The following CFAP54 variants were observed in gnomAD, a reference collection of about 807,000 sequenced individuals.
CFAP54 encodes the protein cilia and flagella associated protein 54, also known as cilia- and flagella-associated protein 54.
CFAP54 carries 290 observed loss-of-function variants against 370.4 expected under a neutral mutation model. That is an observed-to-expected ratio of 0.78 (90% confidence interval 0.71 to 0.86). CFAP54 has a LOEUF of 0.86. Ranked by LOEUF, CFAP54 falls within the 40% of genes least tolerant of loss-of-function variation. The pLI, the probability that CFAP54 is intolerant of heterozygous loss-of-function variation, is 0.00. For synonymous variants in CFAP54, 1,206 were observed against 1,236.5 expected, an observed-to-expected ratio of 0.98 and a Z score of 0.52; for missense variants, 3,399 against 3,528.7, an observed-to-expected ratio of 0.96 and a Z score of 0.93.
intron 4 of CFAP54, among the ~76,000 whole-genome samples, chr12:96,509,088 GT>G (rs1222454300): frequency 6.6e-6 from 1 of 152,194 alleles, no homozygotes; most frequent in Non-Finnish European, 1.5e-5. Flanking sequence ...GGAGTGGACA[GT>G]AGACAAAAAC....
Position 96,713,252 on chromosome 12 carries a change from G to T in CFAP54, c.6724+4449G>T, listed in dbSNP as rs369482741. 5.6e-4 allele frequency among the ~76,000 whole-genome samples: 85 copies of T among 152,250 alleles called. 4 individuals carry two copies. In the South Asian group the frequency reaches 0.017, roughly 30 times the overall value. On this transcript the variant is annotated intron_variant, in intron 48 of 67. Transcript: ENST00000524981. ...GCACTGCCATGTTTATTGCAGCACT[G>T]CTAACAATAGCCAAGATATGGAATC...
At chr12:96,712,459 G>A (rs1592720801) in intron 48 of CFAP54, among the ~76,000 whole-genome samples, 2 of 152,116 alleles carry the variant, frequency 1.3e-5, no homozygotes, top group African/African-American at 2.4e-5. Context: ...CACATAAAAT[G>A]TGTAATGATC....
rs1266631658 is a variant in CFAP54 at position 96,498,826 on chromosome 12, A to C, written c.318-2008A>C. ...TTTCTGCTCTATGAAAGATACTGTCAAGGGAATGAAAGGATAAGCCACAAA... is the reference window on the plus strand; with the variant it reads ...TTTCTGCTCTATGAAAGATACTGTCCAGGGAATGAAAGGATAAGCCACAAA... On this transcript the variant is annotated intron_variant, in intron 1 of 67. Transcript: ENST00000524981. Among the ~76,000 whole-genome samples, 4 of 152,308 alleles carry C rather than the reference A, an allele frequency of 2.6e-5. No individual in the cohort carries two copies. The East Asian group carries it at 7.7e-4, about 29-fold the overall frequency.
intron 9 of CFAP54, among the ~76,000 whole-genome samples, chr12:96,532,901 A>G (rs1334411646): frequency 6.6e-6 from 1 of 152,126 alleles, no homozygotes; most frequent in Non-Finnish European, 1.5e-5. Context: ...GATTACAAAC[A>G]TAAGCCACTG....
At chr12:96,716,026 A>C (rs1008040561) in intron 48 of CFAP54, among the ~76,000 whole-genome samples, 6 of 152,214 alleles carry the variant, frequency 3.9e-5, no homozygotes, top group Non-Finnish European at 7.3e-5. Context: ...TCCCTTCAGC[A>C]GGTGACATCA....
chr12:96,574,950 G>T (rs1158299343), intron 19 of CFAP54, among the ~76,000 whole-genome samples: 1 of 152,096 alleles, frequency 6.6e-6, no homozygotes, highest in East Asian at 1.9e-4. Context: ...GGAATGATCA[G>T]TTCTTTGAGA....
rs1187175782 is a variant in CFAP54, at chr12:96,699,957, C to G, written c.6352-14C>G. The G allele has an allele frequency of 1.3e-6, 2 of 1,539,660 alleles. No individual in the cohort carries two copies. Among genetic ancestry groups the G allele is most frequent in the African/African-American group, 2.8e-5 (2 of 71,508 alleles). ...TGTTTAATTAAGTACCTCATTATTT[C>G]CTTTCCTTTACAGATAGAAGTCCTT... On this transcript the variant is annotated splice_polypyrimidine_tract_variant and intron_variant, in intron 45 of 67. Transcript: ENST00000524981.
chr12:96,691,644 G>A (rs1179975912), intron 44 of CFAP54, among the ~76,000 whole-genome samples: 3 of 152,096 alleles, frequency 2.0e-5, no homozygotes, highest in Non-Finnish European at 4.4e-5. Context: ...GCATTAAGTT[G>A]TTCAGGTTAT....
Position 96,494,596 on chromosome 12 carries a change from C to T in CFAP54, c.317+4670C>T, listed in dbSNP as rs371244557. ...GATTACAGGTGTGAGCCACCATGCA[C>T]GGCCTAATTTTTGTTTTAAGATATT... On this transcript the variant is annotated intron_variant, in intron 1 of 67. Transcript: ENST00000524981. 8.6e-5 allele frequency among the ~76,000 whole-genome samples: 13 copies of T among 152,000 alleles called. 1 individual carries two copies. The highest frequency in any genetic ancestry group is 4.2e-4 in the South Asian group (2 of 4,806).
At chr12:96,726,323 G>A (rs1483601802) in intron 50 of CFAP54, among the ~76,000 whole-genome samples, 4 of 152,078 alleles carry the variant, frequency 2.6e-5, no homozygotes, top group African/African-American at 9.7e-5. Context: ...TTTTTGGTTG[G>A]TAAGCTATTG....
intron 66 of CFAP54, among the ~76,000 whole-genome samples, chr12:96,845,480 A>G (rs1174457494): frequency 6.6e-6 from 1 of 152,148 alleles, no homozygotes; most frequent in Non-Finnish European, 1.5e-5. Context: ...GAAGGACATG[A>G]ACTCTTTCTG....
At chr12:96,576,521 C>T in intron 19 of CFAP54, 64 bp from the exon 20 acceptor site, 1 of 1,222,054 alleles carries the variant, frequency 8.2e-7, no homozygotes, top group Non-Finnish European at 1.1e-6. Context: ...CACTAGAATT[C>T]TATAAACGTA....
chr12:96,755,666 C>CTTTTTTTTTTTTTTTTTT (rs71758359), intron 56 of CFAP54, among the ~76,000 whole-genome samples: 1 of 88,042 alleles, frequency 1.1e-5, no homozygotes, highest in Non-Finnish European at 2.3e-5. Context: ...TTCTTTTTTC[C>CTTTTTTTTTTTTTTTTTT]TTTTTTTTTT....
In CFAP54 at chr12:96,506,955, T is replaced by C. The variant is rs1428420640; in HGVS notation, c.595T>C (p.Cys199Arg). Reference sequence around the variant, plus strand: ...TCATGCTTTGAGTGGCAAAAATATGTGCAACTACCAGCTGGTCTGCGACAG... The same window carrying C: ...TCATGCTTTGAGTGGCAAAAATATGCGCAACTACCAGCTGGTCTGCGACAG... ...TFHALSGKNM[C>R]NYQLVCDSDE... Residue 199 changes from cysteine (C) to arginine (R), a missense_variant, in exon 4 of 68, where the codon TGC becomes CGC. Physicochemically the swap from Cys to Arg is radical, Grantham distance 180. This residue lies in a region of CFAP54 where 559 missense variants were observed against 576.7 expected (regional missense o/e 0.97). Transcript: ENST00000524981. The C allele has an allele frequency of 4.4e-5, 67 of 1,529,810 alleles. No individual in the cohort carries two copies. The highest frequency in any genetic ancestry group is 5.7e-5 in the Non-Finnish European group (65 of 1,145,580). 94.8% of individuals were successfully genotyped at this position (1,529,810 alleles called of 1,614,324 possible). A position where few individuals can be genotyped will look rare whatever the true frequency, so the allele number is the denominator to read the frequency against.
intron 61 of CFAP54, 24 bp from the exon 62 acceptor site, chr12:96,786,651 A>C (rs753501843): frequency 1.4e-6 from 2 of 1,469,410 alleles, no homozygotes; most frequent in South Asian, 2.5e-5. Flanking sequence ...ATGAACCTAA[A>C]CTAAGGTATT....
At chr12:96,799,825 G>A (rs1958803673) in intron 63 of CFAP54, among the ~76,000 whole-genome samples, 1 of 152,106 alleles carries the variant, frequency 6.6e-6, no homozygotes, top group Non-Finnish European at 1.5e-5. Context: ...GGAGTATAGT[G>A]AATCATAAAT....
chr12:96,680,940 C>T (rs929791695), intron 40 of CFAP54, among the ~76,000 whole-genome samples: 8 of 151,992 alleles, frequency 5.3e-5, no homozygotes, highest in East Asian at 1.9e-4. Context: ...AAAAATTAAC[C>T]GGTGTGGTGG....
chr12:96,638,633 C>A (rs1394502903), intron 32 of CFAP54, among the ~76,000 whole-genome samples: 2 of 152,012 alleles, frequency 1.3e-5, no homozygotes, highest in East Asian at 1.9e-4. Context: ...GTGAATAGAT[C>A]TTATATATCA....
chr12:96,856,996 A>G (rs1959722081), intron 66 of CFAP54, among the ~76,000 whole-genome samples: 2 of 152,176 alleles, frequency 1.3e-5, no homozygotes, highest in African/African-American at 4.8e-5. Context: ...ACTTACAATC[A>G]TGGTGCGAGG....
Sources: gnomAD v4.1 joint callset for allele counts (sites outside exome capture counted in the v4.1 genomes callset) on GRCh38, gnomAD v4.1.1 for gene constraint, gnomAD v4.1.1 regional missense constraint, MANE v1.5 for transcripts, NCBI Gene and HGNC (gene_info 2026-07-23, HGNC 2026-07-21) for gene names.